Variants in ANKRD13C observed in about 807,000 individuals in gnomAD.
ANKRD13C encodes ankyrin repeat domain 13C, also known as ankyrin repeat domain-containing protein 13C.
In ANKRD13C, 16 loss-of-function variants were observed where a neutral mutation model predicts 65.5. The observed-to-expected ratio is 0.24, with a 90% CI of 0.17 to 0.37. The LOEUF is 0.37. ANKRD13C is among the 10% of genes least tolerant of loss of function. The pLI is 1.00. For synonymous variants in ANKRD13C, 235 were observed against 238.7 expected (o/e 0.98, Z 0.14); for missense variants, 503 against 655.9 (o/e 0.77, Z 2.55).
intron 4 of ANKRD13C, among the ~76,000 whole-genome samples, chr1:70,314,257 C>T (rs1013766336): frequency 6.6e-6 from 1 of 151,552 alleles, no homozygotes; most frequent in Non-Finnish European, 1.5e-5. Context: ...CTCACTCCAT[C>T]GCCCAGGTTG....
chr1:70,339,812 TTTATTATTATTATTATTATTATTATTA>T lies in ANKRD13C; in HGVS notation c.431-3740_431-3714del, dbSNP rs146940723. 4.7e-3 allele frequency among the ~76,000 whole-genome samples: 634 copies of T among 133,880 alleles called. 9 individuals are homozygous for T. Among genetic ancestry groups the T allele is most frequent in the South Asian group, 0.022 (88 of 3,996 alleles). The allele number at this position is 133,880 out of a possible 152,430, so 87.8% of individuals were successfully genotyped here. ...CCTTCTTTTTCTCTTGATCAGTACG[TTTATTATTATTATTATTATTATTATTA>T]TTATTATTATTATTATTATTATTAT... On this transcript the variant is annotated intron_variant, in intron 1 of 12. Coordinates refer to ENST00000370944, the MANE Select transcript of ANKRD13C (RefSeq NM_030816.5).
At chr1:70,264,853 A>G (rs1331979154) in intron 12 of ANKRD13C, among the ~76,000 whole-genome samples, 1 of 152,188 alleles carries the variant, frequency 6.6e-6, no homozygotes, top group Non-Finnish European at 1.5e-5. Context: ...GCTGTTGAAT[A>G]GGGTGGCCAA....
intron 8 of ANKRD13C, chr1:70,293,417 A>T (rs1194158308): frequency 8.1e-6 from 2 of 247,902 alleles, no homozygotes; most frequent in Non-Finnish European, 1.3e-5. Flanking sequence ...GTTGTGTTCC[A>T]GTCCACCTTG....
intron 9 of ANKRD13C, 84 bp downstream of exon 9, chr1:70,292,304 A>G: frequency 9.4e-7 from 1 of 1,065,486 alleles, no homozygotes; most frequent in Non-Finnish European, 1.3e-6. Context: ...GAGTACATTT[A>G]TATACTTACT....
intron 6 of ANKRD13C, among the ~76,000 whole-genome samples, chr1:70,302,777 T>G (rs1680431842): frequency 7.1e-6 from 1 of 140,574 alleles, no homozygotes; most frequent in South Asian, 2.4e-4. Context: ...TAAAAGGGAC[T>G]CTTCCCCTAT....
At chr1:70,264,730 AT>A (rs1678536395) in intron 12 of ANKRD13C, among the ~76,000 whole-genome samples, 1 of 152,134 alleles carries the variant, frequency 6.6e-6, no homozygotes, top group South Asian at 2.1e-4. Context: ...AATTCATGCA[AT>A]TATAGAGATT....
At chr1:70,325,437 A>G (rs1681493031) in intron 2 of ANKRD13C, among the ~76,000 whole-genome samples, 1 of 152,230 alleles carries the variant, frequency 6.6e-6, no homozygotes, top group Non-Finnish European at 1.5e-5. Context: ...TTCAAATTTT[A>G]TAATTGTTAT....
intron 1 of ANKRD13C, among the ~76,000 whole-genome samples, chr1:70,347,903 C>T (rs34495920): frequency 0.2 from 30,026 of 152,088 alleles, 3,043 homozygotes; most frequent in Middle Eastern, 0.3. Context: ...ACACCACTTT[C>T]TTCCTAAGGG....
chr1:70,267,746 T>C (rs1308809388), intron 12 of ANKRD13C, among the ~76,000 whole-genome samples: 1 of 152,180 alleles, frequency 6.6e-6, no homozygotes, highest in Non-Finnish European at 1.5e-5. Context: ...TTCATTTTAA[T>C]TTATCTATGG....
intron 3 of ANKRD13C, among the ~76,000 whole-genome samples, chr1:70,318,020 T>C (rs1221521700): frequency 1.3e-5 from 2 of 152,146 alleles, no homozygotes; most frequent in African/African-American, 2.4e-5. Flanking sequence ...AAAAAGGTAA[T>C]GGCAACCACT....
chr1:70,306,912 A>C (rs969511446), intron 5 of ANKRD13C, among the ~76,000 whole-genome samples: 2 of 152,184 alleles, frequency 1.3e-5, no homozygotes, highest in Non-Finnish European at 2.9e-5. Context: ...ATTATTTATT[A>C]TCTGCTATTT....
intron 1 of ANKRD13C, among the ~76,000 whole-genome samples, chr1:70,352,450 C>T (rs1213349404): frequency 6.6e-6 from 1 of 150,718 alleles, no homozygotes; most frequent in Non-Finnish European, 1.5e-5. Context: ...AACAAATGTA[C>T]TCCTAAATGT....
chr1:70,292,190 G>A, intron 9 of ANKRD13C, 198 bp downstream of exon 9: 1 of 414,524 alleles, frequency 2.4e-6, no homozygotes, highest in Non-Finnish European at 4.2e-6. Flanking sequence ...ATAAAGTACA[G>A]ATTCACAAAA....
chr1:70,269,876 A>G (rs1678801230), intron 12 of ANKRD13C, among the ~76,000 whole-genome samples: 1 of 152,226 alleles, frequency 6.6e-6, no homozygotes, highest in Non-Finnish European at 1.5e-5. Flanking sequence ...GGATAAAACA[A>G]GATACATCTG....
chr1:70,289,309 C>T (rs190620100), intron 9 of ANKRD13C, among the ~76,000 whole-genome samples: 72 of 152,186 alleles, frequency 4.7e-4, no homozygotes, highest in Admixed American at 5.2e-4. Flanking sequence ...CAAATACATC[C>T]GGTTACAACC....
chr1:70,314,186 T>A (rs919308360), intron 4 of ANKRD13C, among the ~76,000 whole-genome samples: 5 of 151,914 alleles, frequency 3.3e-5, no homozygotes, highest in African/African-American at 1.2e-4. Context: ...GTTTATTAAA[T>A]CTGAAACATG....
chr1:70,343,712 T>C (rs1475512205), intron 1 of ANKRD13C, among the ~76,000 whole-genome samples: 1 of 152,122 alleles, frequency 6.6e-6, no homozygotes, highest in Non-Finnish European at 1.5e-5. Flanking sequence ...TTTGTATTTT[T>C]AGTAGGGATG....
At chr1:70,346,615 C>T (rs944658729) in intron 1 of ANKRD13C, among the ~76,000 whole-genome samples, 1 of 152,180 alleles carries the variant, frequency 6.6e-6, no homozygotes, top group African/African-American at 2.4e-5. Context: ...GGGATAATTT[C>T]TGCATTCTCT....
In ANKRD13C at chr1:70,274,589, A is replaced by G. The variant is rs60600482; in HGVS notation, c.1394+131T>C. On this transcript the variant is annotated intron_variant, in intron 11 of 12. Coordinates refer to ENST00000370944, the MANE Select transcript of ANKRD13C (RefSeq NM_030816.5). Reference sequence around the variant, plus strand: ...AGAAAAGTTCTAGAACAGTGCACACACTATCAAGGCAATGGCTATTTGCTT... The same window carrying G: ...AGAAAAGTTCTAGAACAGTGCACACGCTATCAAGGCAATGGCTATTTGCTT... The G allele has an allele frequency of 0.02, 13,620 of 693,160 alleles. 1,215 individuals carry two copies. In the African/African-American group the frequency reaches 0.2, roughly 10 times the overall value. The allele number at this position is 693,160 out of a possible 1,614,324, so 42.9% of individuals were successfully genotyped here. A position where few individuals can be genotyped will look rare whatever the true frequency, so the allele number is the denominator to read the frequency against.
Sources: allele counts gnomAD v4.1 joint callset (sites outside exome capture counted in the v4.1 genomes callset), GRCh38; gene constraint gnomAD v4.1.1; transcripts MANE v1.5; gene names NCBI Gene and HGNC (gene_info 2026-07-23, HGNC 2026-07-21).